ACBD3: variants seen among roughly 807,000 people sequenced by gnomAD.
The protein encoded by ACBD3 is Golgi resident protein GCP60.
ACBD3 carries 30 observed loss-of-function variants against 66.9 expected under a neutral mutation model. The ratio of observed to expected loss-of-function variants is 0.45; its 90% CI spans 0.34 to 0.61. The LOEUF (loss-of-function observed/expected upper bound fraction) is 0.61. ACBD3 is among the 20% of genes least tolerant of loss of function. ACBD3 has a pLI of 0.02. For missense variants in ACBD3, 544 were observed against 664.5 expected (o/e 0.82, Z 1.99); for synonymous variants, 278 against 259.8 (o/e 1.07, Z -0.68).
At chr1:226,161,715 C>A in intron 3 of ACBD3, 26 bp from the exon 4 acceptor site, 3 of 1,541,758 alleles carry the variant, frequency 1.9e-6, no homozygotes, top group South Asian at 1.2e-5. Flanking sequence ...AGAGAATGAA[C>A]CCTATACGTT....
intron 1 of ACBD3, among the ~76,000 whole-genome samples, chr1:226,168,214 T>C (rs1229277300): frequency 1.3e-5 from 2 of 152,228 alleles, no homozygotes; most frequent in African/African-American, 4.8e-5. Flanking sequence ...GTTATGTGAA[T>C]GTGGGATCTC....
At chr1:226,148,096 TAGCAG>T (rs1352315947) in intron 7 of ACBD3, 1 of 152,222 alleles carries the variant, frequency 6.6e-6, no homozygotes. Context: ...TCACCGTCTA[TAGCAG>T]ATTAAGGAGA....
At chr1:226,173,208 CTG>C (rs750419512) in intron 1 of ACBD3, among the ~76,000 whole-genome samples, 1 of 152,112 alleles carries the variant, frequency 6.6e-6, no homozygotes, top group Non-Finnish European at 1.5e-5. Flanking sequence ...GGCATTGAGA[CTG>C]TGGTGAGCCA....
intron 1 of ACBD3, among the ~76,000 whole-genome samples, chr1:226,167,979 T>C (rs1381066509): frequency 6.6e-6 from 1 of 152,190 alleles, no homozygotes; most frequent in Non-Finnish European, 1.5e-5. Context: ...GCTGAAAGTA[T>C]AAACTGTTAT....
chr1:226,178,574 C>CAAAA (rs57231361), intron 1 of ACBD3, among the ~76,000 whole-genome samples: 6 of 83,620 alleles, frequency 7.2e-5, no homozygotes, highest in African/African-American at 1.9e-4. Flanking sequence ...GACTCCGTCT[C>CAAAA]AAAAAAAAAA....
At chr1:226,161,114 G>T (rs1448326213) in intron 4 of ACBD3, among the ~76,000 whole-genome samples, 1 of 149,456 alleles carries the variant, frequency 6.7e-6, no homozygotes, top group Non-Finnish European at 1.5e-5. Flanking sequence ...TCTGGGTTCT[G>T]CAAGTGAACC....
At chr1:226,153,554 G>GATA (rs1659616979) in intron 6 of ACBD3, among the ~76,000 whole-genome samples, 1 of 152,090 alleles carries the variant, frequency 6.6e-6, no homozygotes, top group Admixed American at 6.5e-5. Flanking sequence ...TTCTCTCAAA[G>GATA]ATAATGTACC....
intron 1 of ACBD3, among the ~76,000 whole-genome samples, chr1:226,166,895 T>C (rs1659886974): frequency 6.6e-6 from 1 of 152,142 alleles, no homozygotes; most frequent in African/African-American, 2.4e-5. Flanking sequence ...CTCCCAGGCT[T>C]AAGCAATCCT....
chr1:226,180,998 CAAAAAAAAAA>C (rs540018230), intron 1 of ACBD3, among the ~76,000 whole-genome samples: 7 of 84,280 alleles, frequency 8.3e-5, no homozygotes, highest in African/African-American at 3.4e-4. Flanking sequence ...GACTCCATCT[CAAAAAAAAAA>C]AAAAAAACAA....
At chr1:226,175,590 A>T (rs1656013581) in intron 1 of ACBD3, among the ~76,000 whole-genome samples, 1 of 152,220 alleles carries the variant, frequency 6.6e-6, no homozygotes, top group Non-Finnish European at 1.5e-5. Context: ...CCACAAAACA[A>T]AATTAAGAGT....
intron 7 of ACBD3, among the ~76,000 whole-genome samples, chr1:226,150,237 T>A (rs200960718): frequency 1.9e-4 from 29 of 151,134 alleles, no homozygotes; most frequent in East Asian, 1.6e-3. Flanking sequence ...TAAAAAAAAA[T>A]TTTTTTTGTC....
intron 1 of ACBD3, among the ~76,000 whole-genome samples, chr1:226,181,566 G>A (rs573868820): frequency 3.4e-4 from 52 of 152,246 alleles, no homozygotes; most frequent in Non-Finnish European, 6.9e-4. Flanking sequence ...GGGGCCTGAG[G>A]CAGGATCCTT....
In ACBD3 at chr1:226,148,765, C is replaced by T. The variant is rs75109640; in HGVS notation, c.1376-1944G>A. Among the ~76,000 whole-genome samples the T allele has an allele frequency of 9.6e-3, 1,458 of 152,318 alleles. 43 individuals are homozygous for T. Among genetic ancestry groups the T allele is most frequent in the East Asian group, 0.095 (491 of 5,180 alleles). On this transcript the variant is annotated intron_variant, in intron 7 of 7. Transcript: ENST00000366812. The stretch of plus-strand genomic sequence containing the variant: ...AAACCAAACCAAAACCCAAAAAACT[C>T]AGACTCTTCTACCATATGAAATACA...
rs66832924 is a variant in ACBD3, at chr1:226,155,417, CAA to C, written c.904-586_904-585del. ...GAGCAACAAAAGCGAAACTCCATCT[CAA>C]AAAAAAAAAAAAAAAGTAGAAATAA... On this transcript the variant is annotated intron_variant, in intron 5 of 7. Transcript: ENST00000366812. 2.9e-3 allele frequency among the ~76,000 whole-genome samples: 313 copies of C among 107,800 alleles called. 1 individual carries two copies. Among genetic ancestry groups the C allele is most frequent in the African/African-American group, 8.8e-3 (268 of 30,558 alleles). 70.7% of individuals were successfully genotyped at this position (107,800 alleles called of 152,430 possible).
intron 1 of ACBD3, among the ~76,000 whole-genome samples, chr1:226,167,103 G>A (rs1659891610): frequency 6.6e-6 from 1 of 152,080 alleles, no homozygotes; most frequent in Admixed American, 6.5e-5. Context: ...CCCAACAATC[G>A]GTTTTTAAAA....
chr1:226,186,617 C>T lies in ACBD3; in HGVS notation c.59G>A (p.Ser20Asn). 1 of 1,496,898 alleles carries T rather than the reference C, an allele frequency of 6.7e-7. No individual in the cohort carries two copies. The allele number at this position is 1,496,898 out of a possible 1,614,324, so 92.7% of individuals were successfully genotyped here. A position where few individuals can be genotyped will look rare whatever the true frequency, so the allele number is the denominator to read the frequency against. Reference sequence around the variant, plus strand: ...CCCAGGCCGCTCCTCCGGGTCCGGGCTGAGCGTGAGGCCGTCGACGGACAC... The same window carrying T: ...CCCAGGCCGCTCCTCCGGGTCCGGGTTGAGCGTGAGGCCGTCGACGGACAC... ...LEVSVDGLTL[S>N]PDPEERPGAE... The change falls in exon 1 of 8, where the codon AGC (serine) becomes AAC (asparagine). Residue 20 changes from serine to asparagine, a missense_variant. Ser to Asn is a conservative substitution (Grantham distance 46). Coordinates refer to ENST00000366812, the MANE Select transcript of ACBD3 (RefSeq NM_022735.4).
chr1:226,178,228 C>T (rs917355407), intron 1 of ACBD3, among the ~76,000 whole-genome samples: 3 of 152,166 alleles, frequency 2.0e-5, no homozygotes, highest in East Asian at 3.9e-4. Flanking sequence ...AAGTCCAAAG[C>T]TCTGAAAGAT....
chr1:226,146,371 G>A lies in ACBD3; in HGVS notation c.*239C>T. 1 of 474,044 alleles carries A rather than the reference G, an allele frequency of 2.1e-6. No homozygotes were observed. 29.4% of individuals were successfully genotyped at this position (474,044 alleles called of 1,614,324 possible). On this transcript the variant is annotated 3_prime_UTR_variant, in exon 8 of 8. Coordinates refer to ENST00000366812, the MANE Select transcript of ACBD3 (RefSeq NM_022735.4). ...GCTCATGTAACTTCAGCATCCACTA[G>A]TGACTCTGCTGGTCAGCACCCAAGG...
Position 226,145,855 on chromosome 1 carries a change from CAAAA to C in ACBD3, c.*751_*754del, listed in dbSNP as rs1553266938. 1 of 144,270 alleles carries C rather than the reference CAAAA, an allele frequency of 6.9e-6. No individual in the cohort carries two copies. Among genetic ancestry groups the C allele is most frequent in the Non-Finnish European group, 1.5e-5 (1 of 64,676 alleles). 8.9% of individuals were successfully genotyped at this position (144,270 alleles called of 1,614,324 possible). On this transcript the variant is annotated 3_prime_UTR_variant, in exon 8 of 8. Transcript: ENST00000366812. ...GAAGCCAAAACAAAACAAAACAAAACAAAAAACCTGTATTTTGCTACTAGTAGTA... is the reference window on the plus strand; with the variant it reads ...GAAGCCAAAACAAAACAAAACAAAACAACCTGTATTTTGCTACTAGTAGTA...
Sources: gnomAD v4.1 joint callset for allele counts (sites outside exome capture counted in the v4.1 genomes callset) on GRCh38, gnomAD v4.1.1 for gene constraint, MANE v1.5 for transcripts, NCBI Gene and HGNC (gene_info 2026-07-23, HGNC 2026-07-21) for gene names.